The following FAM184B variants were observed in gnomAD, a reference collection of about 807,000 sequenced individuals.
The protein encoded by FAM184B is family with sequence similarity 184 member B, also known as protein FAM184B.
In FAM184B, 111 loss-of-function variants were observed where a neutral mutation model predicts 135.9. The ratio of observed to expected loss-of-function variants is 0.82; its 90% CI spans 0.70 to 0.96. FAM184B has a LOEUF of 0.96. FAM184B is among the 40% of genes least tolerant of loss of function. FAM184B has a pLI of 0.00. For synonymous variants in FAM184B, 552 were observed against 524.8 expected, an observed-to-expected ratio of 1.05 and a Z score of -0.71; for missense variants, 1,375 against 1,323.9, an observed-to-expected ratio of 1.04 and a Z score of -0.60.
chr4:17,672,507 T>C (rs1488390901), intron 7 of FAM184B, among the ~76,000 whole-genome samples: 1 of 152,192 alleles, frequency 6.6e-6, no homozygotes, highest in Non-Finnish European at 1.5e-5. Flanking sequence ...TTCAGTAGAA[T>C]GTGGGTTTGT....
chr4:17,770,985 T>TTC (rs1407498840), intron 1 of FAM184B, among the ~76,000 whole-genome samples: 1 of 152,220 alleles, frequency 6.6e-6, no homozygotes, highest in East Asian at 1.9e-4. Context: ...GTCACACTCC[T>TTC]CTTTGTCTAA....
intron 1 of FAM184B, among the ~76,000 whole-genome samples, chr4:17,769,705 C>T (rs1211315533): frequency 1.3e-5 from 2 of 152,130 alleles, no homozygotes; most frequent in African/African-American, 4.8e-5. Flanking sequence ...ATAAGATGAC[C>T]GTAGTTCCTG....
intron 1 of FAM184B, among the ~76,000 whole-genome samples, chr4:17,775,081 C>G (rs1718898589): frequency 6.8e-6 from 1 of 147,238 alleles, no homozygotes; most frequent in South Asian, 2.2e-4. Context: ...ACTGCAACCT[C>G]CGCCTCCCGG....
At chr4:17,728,270 C>T (rs999727041) in intron 1 of FAM184B, among the ~76,000 whole-genome samples, 17 of 152,002 alleles carry the variant, frequency 1.1e-4, no homozygotes, top group African/African-American at 4.1e-4. Flanking sequence ...ACCTGTAGTC[C>T]CAGCTACTCA....
intron 4 of FAM184B, among the ~76,000 whole-genome samples, 173 bp from the exon 5 acceptor site, chr4:17,705,379 C>T (rs1428620508): frequency 2.6e-5 from 4 of 152,210 alleles, no homozygotes; most frequent in African/African-American, 9.7e-5. Context: ...AAAGTCTCCA[C>T]CACTGGAAAA....
chr4:17,780,980 G>T (rs1192038107), intron 1 of FAM184B, among the ~76,000 whole-genome samples, 179 bp downstream of exon 1: 1 of 152,136 alleles, frequency 6.6e-6, no homozygotes, highest in Non-Finnish European at 1.5e-5. Flanking sequence ...GCTGCTTTAG[G>T]ATGGTGCCTC....
chr4:17,692,159 C>A (rs1716751780), intron 6 of FAM184B, among the ~76,000 whole-genome samples: 1 of 151,700 alleles, frequency 6.6e-6, no homozygotes, highest in African/African-American at 2.4e-5. Flanking sequence ...GGCAGTGTAT[C>A]TTCAACAGGG....
intron 1 of FAM184B, among the ~76,000 whole-genome samples, chr4:17,712,869 C>T (rs1717312422): frequency 1.3e-5 from 2 of 152,158 alleles, no homozygotes; most frequent in Admixed American, 6.5e-5. Flanking sequence ...TCACTGTGTG[C>T]CTGTGTGTCT....
intron 10 of FAM184B, among the ~76,000 whole-genome samples, chr4:17,656,975 TCTCA>T (rs1284364608): frequency 3.9e-5 from 6 of 152,186 alleles, no homozygotes; most frequent in African/African-American, 7.2e-5. Context: ...GCATTTTAGG[TCTCA>T]CTCACTCTCT....
chr4:17,733,667 A>G (rs1206376742), intron 1 of FAM184B, among the ~76,000 whole-genome samples: 1 of 152,230 alleles, frequency 6.6e-6, no homozygotes, highest in African/African-American at 2.4e-5. Flanking sequence ...CCACTGCTCA[A>G]TGAAATAAAA....
intron 14 of FAM184B, among the ~76,000 whole-genome samples, chr4:17,637,088 G>A (rs1715165745): frequency 2.0e-5 from 3 of 152,136 alleles, no homozygotes; most frequent in African/African-American, 4.8e-5. Flanking sequence ...GTGCAATGGC[G>A]CGGTCTCGGC....
At chr4:17,635,557 TTGTG>T (rs148665797) in intron 15 of FAM184B, among the ~76,000 whole-genome samples, 3,371 of 152,234 alleles carry the variant, frequency 0.022, 109 homozygotes, top group African/African-American at 0.076. Flanking sequence ...CCGATCTTGT[TTGTG>T]TGTATCATTT....
intron 1 of FAM184B, among the ~76,000 whole-genome samples, chr4:17,767,331 T>C (rs1227214992): frequency 6.6e-6 from 1 of 152,208 alleles, no homozygotes; most frequent in African/African-American, 2.4e-5. Flanking sequence ...CCGAGCCAGC[T>C]AGGGCTGCCA....
At chr4:17,663,145 C>A (rs542769589) in intron 8 of FAM184B, among the ~76,000 whole-genome samples, 1 of 152,250 alleles carries the variant, frequency 6.6e-6, no homozygotes, top group African/African-American at 2.4e-5. Context: ...CCATGTTGCC[C>A]AAGCTGGTCT....
chr4:17,721,406 A>AAAAAAAAAAAAAAAAAAAGT (rs1560185395), intron 1 of FAM184B, among the ~76,000 whole-genome samples: 1 of 143,300 alleles, frequency 7.0e-6, no homozygotes, highest in Non-Finnish European at 1.5e-5. Context: ...AAAAAAAAAA[A>AAAAAAAAAAAAAAAAAAAGT]TCTCTTTGCC....
intron 3 of FAM184B, among the ~76,000 whole-genome samples, chr4:17,706,707 G>A (rs1295426848): frequency 6.6e-6 from 1 of 152,130 alleles, no homozygotes; most frequent in Non-Finnish European, 1.5e-5. Flanking sequence ...GGTGGCTAAC[G>A]CCTATAATCC....
intron 8 of FAM184B, among the ~76,000 whole-genome samples, chr4:17,663,340 C>T (rs749998550): frequency 3.3e-5 from 5 of 152,068 alleles, no homozygotes; most frequent in Admixed American, 6.6e-5. Context: ...TCCTGTTCAA[C>T]ATAGTATTGG....
intron 1 of FAM184B, among the ~76,000 whole-genome samples, chr4:17,714,926 G>C: frequency 6.6e-6 from 1 of 152,104 alleles, no homozygotes; most frequent in South Asian, 2.1e-4. Flanking sequence ...GGGACACCAA[G>C]GATCTGCCTG....
At chr4:17,687,111 G>T (rs1019676346) in intron 7 of FAM184B, among the ~76,000 whole-genome samples, 1 of 152,198 alleles carries the variant, frequency 6.6e-6, no homozygotes, top group Non-Finnish European at 1.5e-5. Context: ...GTATGCCATG[G>T]GGGCTGTTGG....
Sources: gnomAD v4.1 joint callset for allele counts (sites outside exome capture counted in the v4.1 genomes callset) on GRCh38, gnomAD v4.1.1 for gene constraint, MANE v1.5 for transcripts, NCBI Gene and HGNC (gene_info 2026-07-23, HGNC 2026-07-21) for gene names.